The following ZC3H12B variants were observed in gnomAD, a reference collection of about 807,000 sequenced individuals.
ZC3H12B encodes the protein probable ribonuclease ZC3H12B.
ZC3H12B carries 7 observed loss-of-function variants against 43.9 expected under a neutral mutation model. The observed-to-expected ratio is 0.16, with a 90% confidence interval of 0.09 to 0.30. ZC3H12B has a LOEUF of 0.30. Among genes scored for constraint, ZC3H12B ranks in the 10% least tolerant of loss-of-function variants. The pLI is 1.00. For missense variants in ZC3H12B, 475 were observed against 670.2 expected (o/e 0.71, Z 3.22); for synonymous variants, 222 against 241.7 (o/e 0.92, Z 0.76).
the ZC3H12B span, among the ~76,000 whole-genome samples, chrX:65,163,870 G>A: frequency 3.0e-3 from 340 of 112,047 alleles, 3 homozygotes; most frequent in Non-Finnish European, 1.5e-3. Context: ...CGTCACTCAC[G>A]CTGGGAGATG....
intron 3 of ZC3H12B, among the ~76,000 whole-genome samples, chrX:65,419,659 C>A (rs950427171): frequency 1.8e-5 from 2 of 111,108 alleles, no homozygotes; most frequent in Non-Finnish European, 3.8e-5. Flanking sequence ...AAACACAGCA[C>A]CATGGCAGCC....
the ZC3H12B span, among the ~76,000 whole-genome samples, chrX:65,067,864 G>A: frequency 1.8e-5 from 2 of 110,516 alleles, no homozygotes; most frequent in Admixed American, 1.9e-4. Flanking sequence ...TTTTGATGTA[G>A]GCATTGGAAC....
At chrX:65,273,505 G>T in the ZC3H12B span, among the ~76,000 whole-genome samples, 1 of 111,113 alleles carries the variant, frequency 9.0e-6, no homozygotes. Context: ...AGAAAGAGAA[G>T]AGAAAGAGAA....
the ZC3H12B span, among the ~76,000 whole-genome samples, chrX:65,133,237 C>T: frequency 4.5e-5 from 5 of 111,339 alleles, no homozygotes; most frequent in Non-Finnish European, 9.4e-5. Context: ...TACATTGCTA[C>T]TTGGCTGCCT....
At chrX:65,121,392 T>C in the ZC3H12B span, among the ~76,000 whole-genome samples, 2 of 111,803 alleles carry the variant, frequency 1.8e-5, no homozygotes, top group Non-Finnish European at 3.8e-5. Context: ...GGTGCATGTG[T>C]CAAGGAATTT....
chrX:65,387,781 G>T (rs1178571462), intron 2 of ZC3H12B, among the ~76,000 whole-genome samples: 2 of 112,667 alleles, frequency 1.8e-5, no homozygotes, highest in African/African-American at 3.2e-5. Context: ...GCTGGTACTG[G>T]TTGTTCCTTT....
At chrX:65,333,971 A>G in the ZC3H12B span, among the ~76,000 whole-genome samples, 1 of 112,056 alleles carries the variant, frequency 8.9e-6, no homozygotes, top group African/African-American at 3.2e-5. Context: ...TTACACAAAT[A>G]CAGTCCAAAG....
At chrX:65,403,279 A>G (rs2066784657) in intron 3 of ZC3H12B, among the ~76,000 whole-genome samples, 1 of 111,638 alleles carries the variant, frequency 9.0e-6, no homozygotes, top group African/African-American at 3.3e-5. Context: ...CTGCTAGGGG[A>G]GACAAAAGAG....
chrX:65,405,082 A>C (rs1234128670), intron 3 of ZC3H12B, among the ~76,000 whole-genome samples: 2 of 112,285 alleles, frequency 1.8e-5, no homozygotes, highest in Non-Finnish European at 3.8e-5. Flanking sequence ...TGGAAGTTAA[A>C]CAATATGTTC....
At chrX:65,304,048 A>T in the ZC3H12B span, among the ~76,000 whole-genome samples, 2 of 112,704 alleles carry the variant, frequency 1.8e-5, no homozygotes, top group African/African-American at 6.4e-5. Flanking sequence ...TTTAAAATTC[A>T]TTTGAAATTA....
At chrX:65,120,126 G>T in the ZC3H12B span, among the ~76,000 whole-genome samples, 1 of 111,878 alleles carries the variant, frequency 8.9e-6, no homozygotes, top group African/African-American at 3.2e-5. Flanking sequence ...ACTTGGCAGT[G>T]CAGGCTCTTT....
In ZC3H12B at chrX:65,488,771, T is replaced by C. The variant is rs757801380; in HGVS notation, c.-31T>C. The C allele has an allele frequency of 2.7e-6, 3 of 1,117,663 alleles. No individual in the cohort carries two copies. In the South Asian group the frequency reaches 6.7e-5, roughly 25 times the overall value. 92.1% of individuals were successfully genotyped at this position (1,117,663 alleles called of 1,213,427 possible). A position where few individuals can be genotyped will look rare whatever the true frequency, so the allele number is the denominator to read the frequency against. Reference sequence around the variant, plus strand: ...CAAGCAGGCTAAAAAGAAAAAGAACTGATTAGACCTCAGACGACCCACTAA... The same window carrying C: ...CAAGCAGGCTAAAAAGAAAAAGAACCGATTAGACCTCAGACGACCCACTAA... On this transcript the variant is annotated 5_prime_UTR_variant, in exon 1 of 5. An upstream open reading frame in the 5' UTR loses its in-frame stop. Coordinates refer to ENST00000338957, the Ensembl canonical transcript of ZC3H12B.
intron 3 of ZC3H12B, among the ~76,000 whole-genome samples, chrX:65,444,281 A>G (rs1312531439): frequency 8.9e-6 from 1 of 112,326 alleles, no homozygotes; most frequent in African/African-American, 3.2e-5. Flanking sequence ...AAGCAAGCTG[A>G]TAGGTTTGGC....
exon 5 of ZC3H12B, chrX:65,502,921 C>T: frequency 3.3e-6 from 4 of 1,211,735 alleles, no homozygotes; most frequent in Non-Finnish European, 4.5e-6. Context: ...ACTCCTATGG[C>T]TACCACTCCT....
chrX:65,364,305 C>T (rs111394216), upstream of ZC3H12B, among the ~76,000 whole-genome samples: 15,883 of 109,109 alleles, frequency 0.15, 1,247 homozygotes, highest in Non-Finnish European at 0.23. Context: ...ATATCCTGTA[C>T]CACCCTGCTG....
the ZC3H12B span, among the ~76,000 whole-genome samples, chrX:65,349,109 C>T: frequency 1.8e-5 from 2 of 111,668 alleles, no homozygotes; most frequent in Non-Finnish European, 3.8e-5. Context: ...TAATTGACCA[C>T]GTAATTGAAA....
At chrX:65,213,425 G>T in the ZC3H12B span, among the ~76,000 whole-genome samples, 3 of 111,239 alleles carry the variant, frequency 2.7e-5, no homozygotes, top group South Asian at 3.7e-4. Flanking sequence ...GGCTCATAGG[G>T]TATACAGGTT....
intron 3 of ZC3H12B, among the ~76,000 whole-genome samples, chrX:65,436,845 A>G (rs899442035): frequency 9.0e-6 from 1 of 111,528 alleles, no homozygotes; most frequent in Non-Finnish European, 1.9e-5. Flanking sequence ...CGAACATTCC[A>G]ATTATACTCT....
the ZC3H12B span, among the ~76,000 whole-genome samples, chrX:65,286,785 A>G: frequency 1.8e-5 from 2 of 110,423 alleles, no homozygotes; most frequent in Non-Finnish European, 3.8e-5. Context: ...TGCTCACAAA[A>G]AAACTGTCCT....
Sources: gnomAD v4.1 joint callset for allele counts (sites outside exome capture counted in the v4.1 genomes callset) on GRCh38, gnomAD v4.1.1 for gene constraint, MANE v1.5 for transcripts, NCBI Gene and HGNC (gene_info 2026-07-23, HGNC 2026-07-21) for gene names.